Variants in ERBB4 observed in about 807,000 individuals in gnomAD.
ERBB4 encodes erb-b2 receptor tyrosine kinase 4.
Under a neutral mutation model 158.0 loss-of-function variants are expected in ERBB4, and 42 were observed. The observed-to-expected ratio is 0.27, with a 90% CI of 0.21 to 0.34. The LOEUF (loss-of-function observed/expected upper bound fraction) is 0.34, where lower values mean the gene tolerates loss of function less well. Among genes scored for constraint, ERBB4 ranks in the 10% least tolerant of loss-of-function variants. The pLI is 1.00. For missense variants in ERBB4, 1,333 were observed against 1,624.1 expected (o/e 0.82, Z 3.08); for synonymous variants, 583 against 558.7 (o/e 1.04, Z -0.61).
chr2:211,724,219 T>G (rs555771779), intron 6 of ERBB4, among the ~76,000 whole-genome samples: 8 of 152,172 alleles, frequency 5.3e-5, no homozygotes, highest in Non-Finnish European at 7.4e-5. Context: ...GCAATACATA[T>G]TTTTGTTTCA....
chr2:211,920,896 T>C (rs1467373243), intron 3 of ERBB4, among the ~76,000 whole-genome samples: 2 of 151,964 alleles, frequency 1.3e-5, no homozygotes, highest in African/African-American at 4.8e-5. Flanking sequence ...GTACAGAGTA[T>C]AGAGCTACTG....
chr2:211,937,713 C>A (rs545470350), intron 3 of ERBB4, among the ~76,000 whole-genome samples: 2 of 152,010 alleles, frequency 1.3e-5, no homozygotes, highest in Non-Finnish European at 2.9e-5. Flanking sequence ...CTTGTGAGAA[C>A]TAACTCACTA....
intron 3 of ERBB4, among the ~76,000 whole-genome samples, chr2:211,791,534 C>T (rs2076279530): frequency 1.3e-5 from 2 of 151,726 alleles, no homozygotes; most frequent in Admixed American, 6.6e-5. Flanking sequence ...ATGTTGAATG[C>T]GTGAATGAGT....
chr2:211,683,652 A>C (rs1341659352), intron 12 of ERBB4, among the ~76,000 whole-genome samples: 70 of 151,912 alleles, frequency 4.6e-4, no homozygotes, highest in Non-Finnish European at 1.9e-4. Flanking sequence ...ATTTGTGTAT[A>C]TGATTTTGCA....
At chr2:211,845,763 T>C (rs913122441) in intron 3 of ERBB4, among the ~76,000 whole-genome samples, 7 of 152,196 alleles carry the variant, frequency 4.6e-5, no homozygotes, top group African/African-American at 1.7e-4. Context: ...GTGCAAAACG[T>C]ACTCATCTAT....
chr2:211,640,246 T>C (rs1337734697), intron 16 of ERBB4, among the ~76,000 whole-genome samples: 1 of 152,176 alleles, frequency 6.6e-6, no homozygotes, highest in Non-Finnish European at 1.5e-5. Flanking sequence ...ATGATGTATT[T>C]TCTACTTACA....
At chr2:211,558,845 T>C (rs955320172) in intron 20 of ERBB4, among the ~76,000 whole-genome samples, 3 of 152,174 alleles carry the variant, frequency 2.0e-5, no homozygotes, top group Non-Finnish European at 4.4e-5. Flanking sequence ...TTACTATATA[T>C]TTATTGAATG....
intron 12 of ERBB4, among the ~76,000 whole-genome samples, chr2:211,683,263 T>C (rs1307391426): frequency 2.0e-5 from 3 of 152,236 alleles, no homozygotes; most frequent in Non-Finnish European, 2.9e-5. Context: ...ATAGGCAAAA[T>C]ACAGATTTCC....
At chr2:211,673,517 CAA>C (rs71054125) in intron 13 of ERBB4, among the ~76,000 whole-genome samples, 5 of 54,068 alleles carry the variant, frequency 9.2e-5, no homozygotes, top group Admixed American at 1.9e-4. Flanking sequence ...CCAGCAATCT[CAA>C]AAAAAAAAAA....
intron 19 of ERBB4, among the ~76,000 whole-genome samples, chr2:211,597,181 G>GA (rs1246236386): frequency 1.3e-5 from 2 of 152,044 alleles, no homozygotes; most frequent in East Asian, 3.9e-4. Flanking sequence ...GGAGGGTTAG[G>GA]AAAAAACCTG....
intron 1 of ERBB4, among the ~76,000 whole-genome samples, chr2:212,520,730 C>A (rs1280194030): frequency 6.6e-6 from 1 of 151,956 alleles, no homozygotes; most frequent in Non-Finnish European, 1.5e-5. Context: ...GAAATTCTAA[C>A]CCACGGACTG....
At chr2:211,860,042 T>C (rs1184614160) in intron 3 of ERBB4, among the ~76,000 whole-genome samples, 1 of 152,180 alleles carries the variant, frequency 6.6e-6, no homozygotes, top group African/African-American at 2.4e-5. Context: ...TGGTGGTTAT[T>C]ATACGCCAAA....
chr2:212,094,087 C>T (rs1419706972), intron 2 of ERBB4, among the ~76,000 whole-genome samples: 1 of 151,612 alleles, frequency 6.6e-6, no homozygotes, highest in South Asian at 2.1e-4. Flanking sequence ...ATGTTCTATC[C>T]CCTCCAAATC....
chr2:212,005,603 A>G (rs2076241473), intron 2 of ERBB4, among the ~76,000 whole-genome samples: 1 of 152,204 alleles, frequency 6.6e-6, no homozygotes, highest in Non-Finnish European at 1.5e-5. Context: ...CAGTGCAAGC[A>G]GCAAATACAT....
intron 4 of ERBB4, among the ~76,000 whole-genome samples, chr2:211,756,332 G>A (rs1301901635): frequency 1.3e-5 from 2 of 152,124 alleles, no homozygotes; most frequent in Admixed American, 1.3e-4. Flanking sequence ...AAGGGAAGGA[G>A]AATTTCAGGC....
At chr2:212,491,445 T>G (rs964713014) in intron 1 of ERBB4, among the ~76,000 whole-genome samples, 1 of 151,640 alleles carries the variant, frequency 6.6e-6, no homozygotes, top group Non-Finnish European at 1.5e-5. Context: ...GTTTAATTTG[T>G]GTTTTTCCCT....
At chr2:212,192,008 A>ATTATATGT (rs1559707035) in intron 1 of ERBB4, among the ~76,000 whole-genome samples, 37 of 65,930 alleles carry the variant, frequency 5.6e-4, no homozygotes, top group South Asian at 1.3e-3. Context: ...GTTATATATA[A>ATTATATGT]TATATGTTAT....
chr2:211,871,982 C>T (rs1384581646), intron 3 of ERBB4, among the ~76,000 whole-genome samples: 1 of 152,092 alleles, frequency 6.6e-6, no homozygotes, highest in Non-Finnish European at 1.5e-5. Context: ...GGAAGCATGT[C>T]TCCAAATAAA....
intron 1 of ERBB4, among the ~76,000 whole-genome samples, chr2:212,187,505 A>G (rs2082050496): frequency 6.6e-6 from 1 of 151,978 alleles, no homozygotes; most frequent in Non-Finnish European, 1.5e-5. Context: ...TATTGACAAT[A>G]CATGTTAATA....
Sources: allele counts gnomAD v4.1 joint callset (sites outside exome capture counted in the v4.1 genomes callset), GRCh38; gene constraint gnomAD v4.1.1; transcripts MANE v1.5; gene names NCBI Gene and HGNC (gene_info 2026-07-23, HGNC 2026-07-21).